The following SPATS2 variants were observed in gnomAD, a reference collection of about 807,000 sequenced individuals.
SPATS2 encodes the protein spermatogenesis associated serine rich 2.
A neutral mutation model predicts 63.7 loss-of-function variants in SPATS2; 38 were observed. That is an observed-to-expected ratio of 0.60 (90% CI 0.46 to 0.78). The LOEUF (loss-of-function observed/expected upper bound fraction) is 0.78, where lower values mean the gene tolerates loss of function less well. Ranked by LOEUF, SPATS2 falls within the 30% of genes least tolerant of loss-of-function variation. The probability of loss-of-function intolerance (pLI) is 0.00; values close to 1 mark genes in which losing one functional copy is unlikely to be tolerated. For synonymous variants in SPATS2, 207 were observed against 232.9 expected, an observed-to-expected ratio of 0.89 and a Z score of 1.01; for missense variants, 588 against 666.2, an observed-to-expected ratio of 0.88 and a Z score of 1.29.
chr12:49,378,956 C>G (rs1005364630), intron 2 of SPATS2, among the ~76,000 whole-genome samples: 3 of 151,574 alleles, frequency 2.0e-5, no homozygotes, highest in Admixed American at 1.3e-4. Flanking sequence ...CTCCCTCTGT[C>G]GACCAGGCTG....
chr12:49,452,965 G>A (rs1945650199), intron 2 of SPATS2, among the ~76,000 whole-genome samples: 1 of 151,822 alleles, frequency 6.6e-6, no homozygotes, highest in Non-Finnish European at 1.5e-5. Flanking sequence ...AGACCATCCT[G>A]GCTAACACGG....
chr12:49,438,521 G>C (rs1945357745), intron 2 of SPATS2, among the ~76,000 whole-genome samples: 2 of 152,146 alleles, frequency 1.3e-5, no homozygotes, highest in African/African-American at 4.8e-5. Flanking sequence ...GTTTTCCAAA[G>C]TTATTTTTCC....
intron 2 of SPATS2, among the ~76,000 whole-genome samples, chr12:49,434,928 T>G (rs190607243): frequency 6.6e-6 from 1 of 152,060 alleles, no homozygotes; most frequent in Non-Finnish European, 1.5e-5. Flanking sequence ...ATCCCCACAT[T>G]TCAGGTTTTA....
At chr12:49,436,867 C>G (rs1592394374) in intron 2 of SPATS2, among the ~76,000 whole-genome samples, 1 of 135,570 alleles carries the variant, frequency 7.4e-6, no homozygotes, top group Non-Finnish European at 1.6e-5. Context: ...GGGGCTGACC[C>G]CCCCACCTCC....
chr12:49,470,188 C>T (rs1480285106), intron 3 of SPATS2, among the ~76,000 whole-genome samples: 2 of 152,006 alleles, frequency 1.3e-5, no homozygotes, highest in African/African-American at 2.4e-5. Context: ...TCCACCACCA[C>T]GCCCAGCTAA....
chr12:49,496,478 G>A (rs924457482), intron 7 of SPATS2, among the ~76,000 whole-genome samples: 3 of 152,146 alleles, frequency 2.0e-5, no homozygotes, highest in African/African-American at 7.2e-5. Context: ...TAACATGGAG[G>A]CTTGCAGAAG....
intron 2 of SPATS2, among the ~76,000 whole-genome samples, chr12:49,434,401 T>C (rs1051308565): frequency 2.6e-5 from 4 of 152,030 alleles, no homozygotes; most frequent in Non-Finnish European, 5.9e-5. Context: ...CCAAAACTTA[T>C]CATCACCCCA....
rs1458147077 is a variant in SPATS2 at position 49,428,269 on chromosome 12, C to CA, written c.-243-32498dup. On this transcript the variant is annotated intron_variant, in intron 2 of 13. Transcript: ENST00000552918. ...GACCCCGTCTCAAAAAACAAACAAACAAACAAAAAAAAAAAACAAAAATTC... is the reference window on the plus strand; with the variant it reads ...GACCCCGTCTCAAAAAACAAACAAACAAAACAAAAAAAAAAAACAAAAATTC... Among the ~76,000 whole-genome samples, 35 of 143,510 alleles carry CA rather than the reference C, an allele frequency of 2.4e-4. 1 individual carries two copies. The highest frequency in any genetic ancestry group is 2.6e-4 in the Non-Finnish European group (17 of 65,762). 94.1% of individuals were successfully genotyped at this position (143,510 alleles called of 152,430 possible).
Position 49,395,794 on chromosome 12 carries a change from T to A in SPATS2, c.-244+24504T>A, listed in dbSNP as rs563582480. On this transcript the variant is annotated intron_variant, in intron 2 of 13. Coordinates refer to ENST00000552918, the MANE Select transcript of SPATS2 (RefSeq NM_023071.4). ...ATGAAATCTACCCTCCTGACAAATC[T>A]TTTGTTGTACAATACTGTAATATTA... 1.1e-3 allele frequency among the ~76,000 whole-genome samples: 167 copies of A among 152,340 alleles called. 1 individual carries two copies. Among genetic ancestry groups the A allele is most frequent in the African/African-American group, 3.7e-3 (153 of 41,586 alleles).
chr12:49,399,718 G>A (rs1944572348), intron 2 of SPATS2, among the ~76,000 whole-genome samples: 1 of 152,166 alleles, frequency 6.6e-6, no homozygotes, highest in African/African-American at 2.4e-5. Context: ...GTCATTAATT[G>A]TGCCTGGTTT....
intron 9 of SPATS2, among the ~76,000 whole-genome samples, chr12:49,509,273 CTTTTTTT>C (rs1186617900): frequency 5.8e-4 from 45 of 77,804 alleles, no homozygotes; most frequent in Middle Eastern, 0.014. Context: ...GTTCTAACTT[CTTTTTTT>C]TTTTTTTTTT....
chr12:49,466,445 G>C (rs1945917666), intron 3 of SPATS2, among the ~76,000 whole-genome samples: 1 of 152,206 alleles, frequency 6.6e-6, no homozygotes, highest in Admixed American at 6.5e-5. Context: ...TGGGATTACA[G>C]GTGTGAGCCA....
At chr12:49,474,182 G>A (rs534142021) in intron 3 of SPATS2, among the ~76,000 whole-genome samples, 2 of 152,288 alleles carry the variant, frequency 1.3e-5, no homozygotes, top group South Asian at 4.2e-4. Context: ...TTAAACAAGT[G>A]TGTTACTTAC....
At chr12:49,464,627 T>TAAAA (rs562743662) in intron 3 of SPATS2, among the ~76,000 whole-genome samples, 1 of 107,262 alleles carries the variant, frequency 9.3e-6, no homozygotes, top group Non-Finnish European at 1.9e-5. Context: ...AACTCCATCT[T>TAAAA]AAAAAAAAAA....
At chr12:49,507,348 G>C (rs958731644) in intron 9 of SPATS2, among the ~76,000 whole-genome samples, 2 of 152,160 alleles carry the variant, frequency 1.3e-5, no homozygotes, top group Non-Finnish European at 2.9e-5. Context: ...GTGGACCACT[G>C]CATTTCAGAG....
chr12:49,439,290 C>T (rs1193686775), intron 2 of SPATS2, among the ~76,000 whole-genome samples: 1 of 151,970 alleles, frequency 6.6e-6, no homozygotes, highest in Admixed American at 6.6e-5. Context: ...GGGGCCAGGT[C>T]AGGTAGGGCT....
intron 2 of SPATS2, among the ~76,000 whole-genome samples, chr12:49,455,239 TTGTG>T (rs1945698750): frequency 6.6e-6 from 1 of 152,114 alleles, no homozygotes; most frequent in Non-Finnish European, 1.5e-5. Flanking sequence ...CTGTAGATCT[TTGTG>T]TGTTGGGAAC....
intron 3 of SPATS2, among the ~76,000 whole-genome samples, chr12:49,478,822 T>A (rs1450708751): frequency 6.6e-6 from 1 of 152,166 alleles, no homozygotes; most frequent in Non-Finnish European, 1.5e-5. Context: ...CAGTGATGCC[T>A]TTGCCTGAGT....
intron 2 of SPATS2, among the ~76,000 whole-genome samples, chr12:49,415,562 T>A (rs1264738492): frequency 3.9e-5 from 6 of 152,202 alleles, no homozygotes; most frequent in African/African-American, 1.4e-4. Flanking sequence ...GGAAATCTCC[T>A]TATCTAGTCT....
Sources: gnomAD v4.1 joint callset for allele counts (sites outside exome capture counted in the v4.1 genomes callset) on GRCh38, gnomAD v4.1.1 for gene constraint, MANE v1.5 for transcripts, NCBI Gene and HGNC (gene_info 2026-07-23, HGNC 2026-07-21) for gene names.